Variants in SUGCT observed in about 807,000 individuals in gnomAD.
SUGCT encodes succinyl-CoA:glutarate CoA-transferase.
A neutral mutation model predicts 55.0 loss-of-function variants in SUGCT; 41 were observed. The ratio of observed to expected loss-of-function variants is 0.74; its 90% confidence interval spans 0.58 to 0.97. The LOEUF (loss-of-function observed/expected upper bound fraction) is 0.97. Ranked by LOEUF, SUGCT falls within the 50% of genes least tolerant of loss-of-function variation. SUGCT has a pLI of 0.00. For synonymous variants in SUGCT, 187 were observed against 200.4 expected, an observed-to-expected ratio of 0.93 and a Z score of 0.56; for missense variants, 568 against 547.8, an observed-to-expected ratio of 1.04 and a Z score of -0.37.
intron 9 of SUGCT, among the ~76,000 whole-genome samples, chr7:40,369,103 TAA>T (rs549369289): frequency 2.1e-5 from 3 of 142,574 alleles, no homozygotes; most frequent in African/African-American, 5.1e-5. Flanking sequence ...GACTCTATCT[TAA>T]AAAAAAAAAA....
At chr7:40,636,171 G>T (rs908761977) in intron 12 of SUGCT, among the ~76,000 whole-genome samples, 1 of 152,180 alleles carries the variant, frequency 6.6e-6, no homozygotes, top group African/African-American at 2.4e-5. Context: ...GATGAGGCCA[G>T]CTTGTCTCTG....
rs770609584 is a variant in SUGCT, at chr7:40,860,325, TGAGATACAG to T, written c.1164_1172del (p.Arg389_Ser391del). On this transcript the variant is annotated inframe_deletion, in exon 14 of 14. Coordinates refer to ENST00000335693, the MANE Select transcript of SUGCT (RefSeq NM_001193313.2). ...CCTTCTCCTTTGGCAGGCCCAGCTG[TGAGATACAG>T]TAAGTTCAAGATGTCAGAGGCCAGG... 1.9e-6 allele frequency: 3 copies of T among 1,613,502 alleles called. No individual in the cohort carries two copies. In the East Asian group the frequency reaches 6.7e-5, roughly 36 times the overall value.
In SUGCT at chr7:40,381,074, G is replaced by A. The variant is rs147511659; in HGVS notation, c.816+64219G>A. Reference sequence around the variant, plus strand: ...AATATCTATTCTCAGTAGGTGGAGGGCAGTAGAATGTGTTGAGAAGAATAA... The same window carrying A: ...AATATCTATTCTCAGTAGGTGGAGGACAGTAGAATGTGTTGAGAAGAATAA... On this transcript the variant is annotated intron_variant, in intron 9 of 13. Coordinates refer to ENST00000335693, the MANE Select transcript of SUGCT (RefSeq NM_001193313.2). Among the ~76,000 whole-genome samples, 27 of 152,176 alleles carry A rather than the reference G, an allele frequency of 1.8e-4. No individual in the cohort carries two copies. In the East Asian group the frequency reaches 5.0e-3, roughly 28 times the overall value.
chr7:40,447,301 C>G (rs1242327935), intron 9 of SUGCT, among the ~76,000 whole-genome samples: 1 of 152,064 alleles, frequency 6.6e-6, no homozygotes, highest in Non-Finnish European at 1.5e-5. Flanking sequence ...AAGTGAAAGA[C>G]CAAAGACAGA....
intron 12 of SUGCT, among the ~76,000 whole-genome samples, chr7:40,651,861 A>C (rs1800799170): frequency 6.6e-6 from 1 of 151,880 alleles, no homozygotes; most frequent in Admixed American, 6.6e-5. Context: ...CCTTCCTTCA[A>C]TGCATATTTT....
intron 8 of SUGCT, among the ~76,000 whole-genome samples, chr7:40,294,113 A>G (rs999520373): frequency 6.6e-6 from 1 of 151,370 alleles, no homozygotes; most frequent in Non-Finnish European, 1.5e-5. Flanking sequence ...GCGCCCCACT[A>G]TTTTTTGTAT....
intron 6 of SUGCT, among the ~76,000 whole-genome samples, chr7:40,235,191 GT>G (rs1377553002): frequency 5.3e-5 from 8 of 151,844 alleles, no homozygotes; most frequent in African/African-American, 1.9e-4. Context: ...TATCTGTGGA[GT>G]TTGTTTTACA....
At chr7:40,945,292 C>T in the SUGCT span, among the ~76,000 whole-genome samples, 2 of 152,140 alleles carry the variant, frequency 1.3e-5, no homozygotes, top group Non-Finnish European at 2.9e-5. Context: ...AGTCACATTC[C>T]TGATCCAGTG....
At chr7:40,986,224 A>G in the SUGCT span, among the ~76,000 whole-genome samples, 2 of 152,218 alleles carry the variant, frequency 1.3e-5, no homozygotes, top group African/African-American at 2.4e-5. Flanking sequence ...TTAATGTTCA[A>G]TGATTTATTT....
chr7:40,736,826 C>A (rs1477186612), intron 12 of SUGCT, among the ~76,000 whole-genome samples: 1 of 151,884 alleles, frequency 6.6e-6, no homozygotes, highest in Non-Finnish European at 1.5e-5. Context: ...AACCAACTTA[C>A]TAGGAGAACT....
chr7:40,531,969 C>T (rs1035944348), intron 12 of SUGCT, among the ~76,000 whole-genome samples: 2 of 152,182 alleles, frequency 1.3e-5, no homozygotes, highest in African/African-American at 2.4e-5. Flanking sequence ...CCACCGCGCC[C>T]GGCCATATAT....
chr7:40,861,449 C>T (rs913164259), downstream of SUGCT, among the ~76,000 whole-genome samples: 1 of 152,082 alleles, frequency 6.6e-6, no homozygotes, highest in Admixed American at 6.5e-5. Flanking sequence ...ATGATTAGGA[C>T]GTATGTTCCA....
chr7:40,841,496 A>T (rs1211392147), intron 13 of SUGCT, among the ~76,000 whole-genome samples: 1 of 152,184 alleles, frequency 6.6e-6, no homozygotes, highest in South Asian at 2.1e-4. Flanking sequence ...GGAATGTTTC[A>T]GTTACTCTTA....
chr7:40,435,946 T>TTTTC (rs1554338021), intron 9 of SUGCT, among the ~76,000 whole-genome samples: 16 of 20,704 alleles, frequency 7.7e-4, no homozygotes, highest in East Asian at 0.045. Flanking sequence ...TTTTCTTTTC[T>TTTTC]TTTTTTTTTT....
chr7:40,345,168 A>G (rs2151185664), intron 9 of SUGCT, among the ~76,000 whole-genome samples: 1 of 152,336 alleles, frequency 6.6e-6, no homozygotes, highest in South Asian at 2.1e-4. Flanking sequence ...AAGGGAGAAT[A>G]GAAGTTTGAG....
the SUGCT span, among the ~76,000 whole-genome samples, chr7:40,899,332 C>T: frequency 6.6e-6 from 1 of 152,314 alleles, no homozygotes; most frequent in Admixed American, 6.5e-5. Context: ...TACCCCTCCG[C>T]CTCCCATTTT....
At chr7:40,349,473 C>T (rs1362916737) in intron 9 of SUGCT, among the ~76,000 whole-genome samples, 1 of 151,520 alleles carries the variant, frequency 6.6e-6, no homozygotes, top group Non-Finnish European at 1.5e-5. Flanking sequence ...TCCTTATTTC[C>T]TAGTACAAAC....
At chr7:40,893,890 A>G in the SUGCT span, among the ~76,000 whole-genome samples, 1 of 152,010 alleles carries the variant, frequency 6.6e-6, no homozygotes, top group African/African-American at 2.4e-5. Context: ...GCAAAACCCC[A>G]TCTCTGCTAA....
At chr7:40,821,634 A>G (rs1356058064) in intron 13 of SUGCT, among the ~76,000 whole-genome samples, 1 of 151,568 alleles carries the variant, frequency 6.6e-6, no homozygotes, top group African/African-American at 2.4e-5. Flanking sequence ...TTTTTATTGC[A>G]TCTGTTTGAT....
Sources: allele counts gnomAD v4.1 joint callset (sites outside exome capture counted in the v4.1 genomes callset), GRCh38; gene constraint gnomAD v4.1.1; transcripts MANE v1.5; gene names NCBI Gene and HGNC (gene_info 2026-07-23, HGNC 2026-07-21).